COL24A1: variants seen among roughly 807,000 people sequenced by gnomAD.
COL24A1 encodes the protein collagen type XXIV alpha 1 chain, also known as collagen alpha-1(XXIV) chain.
A neutral mutation model predicts 253.9 loss-of-function variants in COL24A1; 224 were observed. The observed-to-expected ratio is 0.88, with a 90% CI of 0.79 to 0.99. COL24A1 has a LOEUF of 0.99. Ranked by LOEUF, COL24A1 falls within the 50% of genes least tolerant of loss-of-function variation. The probability of loss-of-function intolerance (pLI) is 0.00; values close to 1 mark genes in which losing one functional copy is unlikely to be tolerated. For synonymous variants in COL24A1, 685 were observed against 673.7 expected (o/e 1.02, Z -0.26); for missense variants, 2,131 against 2,068.5 (o/e 1.03, Z -0.59).
At chr1:85,966,675 G>A (rs563846409) in intron 22 of COL24A1, among the ~76,000 whole-genome samples, 12 of 152,138 alleles carry the variant, frequency 7.9e-5, no homozygotes, top group African/African-American at 2.9e-4. Context: ...GTCAAATTCT[G>A]AAAAATAGAA....
At chr1:86,152,320 G>A (rs1488284093) in intron 1 of COL24A1, among the ~76,000 whole-genome samples, 1 of 152,106 alleles carries the variant, frequency 6.6e-6, no homozygotes, top group Non-Finnish European at 1.5e-5. Context: ...CTGAAATGAT[G>A]CCATACTGGA....
chr1:86,059,573 G>T (rs1312090381), intron 8 of COL24A1, among the ~76,000 whole-genome samples: 1 of 152,104 alleles, frequency 6.6e-6, no homozygotes, highest in Non-Finnish European at 1.5e-5. Flanking sequence ...AAGACTAAGA[G>T]GGGCAGTAAA....
At position 86,115,315 on chromosome 1, in the gene COL24A1, A is replaced by G. The variant is rs757998628; in HGVS notation, c.1545+10T>C. 1 of 1,613,520 alleles carries G rather than the reference A, an allele frequency of 6.2e-7. No individual in the cohort carries two copies. The highest frequency in any genetic ancestry group is 2.2e-5 in the East Asian group (1 of 44,866). ...TCACTGCCAGCAGGAAATATAGCCCATCTACTTACCCGTGGACCTCTCTTC... is the reference window on the plus strand; with the variant it reads ...TCACTGCCAGCAGGAAATATAGCCCGTCTACTTACCCGTGGACCTCTCTTC... On this transcript the variant is annotated intron_variant, in intron 4 of 59. Coordinates refer to ENST00000370571, the MANE Select transcript of COL24A1 (RefSeq NM_152890.7).
At chr1:85,762,865 GAAAC>G (rs1441620235) in intron 53 of COL24A1, among the ~76,000 whole-genome samples, 1 of 152,102 alleles carries the variant, frequency 6.6e-6, no homozygotes, top group East Asian at 1.9e-4. Flanking sequence ...AGAAAAATAA[GAAAC>G]AATTTCTACT....
intron 37 of COL24A1, among the ~76,000 whole-genome samples, chr1:85,858,485 C>T (rs1678711390): frequency 6.6e-6 from 1 of 152,154 alleles, no homozygotes; most frequent in Admixed American, 6.5e-5. Context: ...CAGATAATCA[C>T]ATAGGTGGCT....
rs751432964 is a variant in COL24A1, at chr1:86,125,330, C to A, written c.1006G>T (p.Glu336Ter). The change falls in exon 3 of 60, where the codon GAA becomes TAA. Residue 336 changes from glutamate (E) to a stop codon, truncating the protein, a stop_gained. Coordinates refer to ENST00000370571, the MANE Select transcript of COL24A1 (RefSeq NM_152890.7). LOFTEE classifies it high-confidence loss of function. The stretch of plus-strand genomic sequence containing the variant: ...TGAGTATCTTCCTCAGTGATCATTT[C>A]TTTGGCCTGAATCCCATGGTTTGTG... Reference protein sequence around the residue: ...DLTNHGIQAKEMITEEDTQTN... With the variant: ...DLTNHGIQAK The A allele has an allele frequency of 8.1e-6, 13 of 1,613,526 alleles. No homozygotes were observed. Among genetic ancestry groups the A allele is most frequent in the African/African-American group, 1.3e-5 (1 of 74,880 alleles).
At chr1:86,111,069 A>G (rs1473860254) in intron 5 of COL24A1, among the ~76,000 whole-genome samples, 1 of 152,208 alleles carries the variant, frequency 6.6e-6, no homozygotes, top group African/African-American at 2.4e-5. Flanking sequence ...ACATGCGCCA[A>G]TCAGCACTCT....
intron 37 of COL24A1, among the ~76,000 whole-genome samples, chr1:85,853,469 T>C (rs994247873): frequency 1.3e-5 from 2 of 152,214 alleles, no homozygotes; most frequent in Non-Finnish European, 2.9e-5. Context: ...ACAGTTTATA[T>C]TCCTTTGGGT....
chr1:85,759,153 T>C (rs569558494), intron 55 of COL24A1, among the ~76,000 whole-genome samples: 5 of 152,296 alleles, frequency 3.3e-5, no homozygotes, highest in African/African-American at 4.8e-5. Context: ...TAATTTTTTA[T>C]AGACATTGTT....
chr1:85,951,890 T>C (rs1689970503), intron 24 of COL24A1, among the ~76,000 whole-genome samples: 1 of 152,156 alleles, frequency 6.6e-6, no homozygotes, highest in South Asian at 2.1e-4. Flanking sequence ...TTACAAAAAG[T>C]TTTCTACAAA....
At chr1:85,952,710 A>T (rs1006479976) in intron 24 of COL24A1, among the ~76,000 whole-genome samples, 1 of 152,202 alleles carries the variant, frequency 6.6e-6, no homozygotes, top group South Asian at 2.1e-4. Flanking sequence ...TCAATCATTT[A>T]TGTATTCTCG....
chr1:86,066,535 C>T (rs890678198), intron 7 of COL24A1, among the ~76,000 whole-genome samples: 3 of 151,832 alleles, frequency 2.0e-5, no homozygotes, highest in Non-Finnish European at 2.9e-5. Context: ...TGAGCCACTG[C>T]GCCCTGCTAA....
chr1:85,746,833 A>G (rs1162191948), intron 55 of COL24A1, among the ~76,000 whole-genome samples: 1 of 152,194 alleles, frequency 6.6e-6, no homozygotes, highest in Non-Finnish European at 1.5e-5. Context: ...TTAAATAATT[A>G]TGACCATCCT....
Position 85,798,302 on chromosome 1 carries a change from C to T in COL24A1, c.3952-11841G>A, listed in dbSNP as rs150183356. ...CAGATATTTCGTTTTGTTGCCAATA[C>T]GCTGCCAAATACACTGAACTTTGTT... On this transcript the variant is annotated intron_variant, in intron 47 of 59. Transcript: ENST00000370571. Among the ~76,000 whole-genome samples the T allele has an allele frequency of 8.7e-3, 1,317 of 151,664 alleles. 58 individuals carry two copies. Among genetic ancestry groups the T allele is most frequent in the Admixed American group, 0.066 (1,013 of 15,240 alleles).
chr1:85,758,576 C>T (rs993416731), intron 55 of COL24A1, among the ~76,000 whole-genome samples: 5 of 152,116 alleles, frequency 3.3e-5, no homozygotes, highest in African/African-American at 4.8e-5. Context: ...ATACATATTC[C>T]TTTTCCTGAA....
At chr1:86,141,253 G>A (rs1325239627) in intron 2 of COL24A1, among the ~76,000 whole-genome samples, 2 of 152,184 alleles carry the variant, frequency 1.3e-5, no homozygotes, top group East Asian at 3.8e-4. Context: ...AAGAATTGAA[G>A]GCACCAAATC....
chr1:85,821,333 C>T (rs937181444), intron 45 of COL24A1, among the ~76,000 whole-genome samples: 1 of 152,124 alleles, frequency 6.6e-6, no homozygotes, highest in African/African-American at 2.4e-5. Context: ...TAATAGGCTT[C>T]TTCATAATAA....
At chr1:86,084,078 A>T (rs973626440) in intron 7 of COL24A1, among the ~76,000 whole-genome samples, 5 of 152,170 alleles carry the variant, frequency 3.3e-5, no homozygotes, top group African/African-American at 1.2e-4. Flanking sequence ...ATTGAGGAAT[A>T]CAACAAAGGC....
At chr1:85,852,430 C>A (rs1335658605) in intron 37 of COL24A1, among the ~76,000 whole-genome samples, 1 of 152,132 alleles carries the variant, frequency 6.6e-6, no homozygotes, top group African/African-American at 2.4e-5. Flanking sequence ...ACAACTTATT[C>A]TTTAAAGTTG....
Sources: allele counts gnomAD v4.1 joint callset (sites outside exome capture counted in the v4.1 genomes callset), GRCh38; gene constraint gnomAD v4.1.1; transcripts MANE v1.5; gene names NCBI Gene and HGNC (gene_info 2026-07-23, HGNC 2026-07-21).